Variants in PKHD1 observed in about 807,000 individuals in gnomAD.
PKHD1 encodes fibrocystin.
In PKHD1, 291 loss-of-function variants were observed where a neutral mutation model predicts 412.0. That is an observed-to-expected ratio of 0.71 (90% CI 0.64 to 0.78). PKHD1 has a LOEUF of 0.78. Among genes scored for constraint, PKHD1 ranks in the 30% least tolerant of loss-of-function variants. PKHD1 has a pLI of 0.00. For synonymous variants in PKHD1, 1,777 were observed against 1,821.5 expected (o/e 0.98, Z 0.62); for missense variants, 4,825 against 4,950.7 (o/e 0.97, Z 0.76).
chr6:51,809,510 C>A (rs1303879185), intron 52 of PKHD1, among the ~76,000 whole-genome samples: 1 of 152,004 alleles, frequency 6.6e-6, no homozygotes, highest in Non-Finnish European at 1.5e-5. Context: ...TGTATATTTG[C>A]TTTTCCTAAA....
chr6:51,964,416 G>A (rs1046181788), intron 35 of PKHD1, among the ~76,000 whole-genome samples: 1 of 152,000 alleles, frequency 6.6e-6, no homozygotes, highest in African/African-American at 2.4e-5. Flanking sequence ...TCCAAATCCT[G>A]GAAATAGGAA....
intron 60 of PKHD1, among the ~76,000 whole-genome samples, chr6:51,687,372 C>A (rs746208720): frequency 1.3e-5 from 2 of 152,112 alleles, no homozygotes; most frequent in Non-Finnish European, 2.9e-5. Context: ...AATAATAGAT[C>A]CTTTTCTGTA....
chr6:51,932,380 A>G (rs557259716), intron 37 of PKHD1, among the ~76,000 whole-genome samples: 10 of 152,306 alleles, frequency 6.6e-5, no homozygotes, highest in East Asian at 5.8e-4. Flanking sequence ...TTGAATTCCT[A>G]TTTTCAGGAA....
In PKHD1 at chr6:51,920,495, A is replaced by G. The variant is rs140139534; in HGVS notation, c.6122-7919T>C. Reference sequence around the variant, plus strand: ...TGAAGCCCACTTGATCTTGGTGGATAAGCTTTTTGATGTGCTGCTGGATTT... The same window carrying G: ...TGAAGCCCACTTGATCTTGGTGGATGAGCTTTTTGATGTGCTGCTGGATTT... On this transcript the variant is annotated intron_variant, in intron 37 of 66. Coordinates refer to ENST00000371117, the MANE Select transcript of PKHD1 (RefSeq NM_138694.4). Among the ~76,000 whole-genome samples the G allele has an allele frequency of 7.1e-3, 1,081 of 152,282 alleles. 7 individuals carry two copies. Among genetic ancestry groups the G allele is most frequent in the Non-Finnish European group, 0.012 (792 of 68,018 alleles).
intron 60 of PKHD1, among the ~76,000 whole-genome samples, chr6:51,713,295 C>A (rs538197242): frequency 1.3e-5 from 2 of 152,250 alleles, no homozygotes; most frequent in South Asian, 4.1e-4. Flanking sequence ...ATGAAAAATT[C>A]CAGTGCAATC....
intron 29 of PKHD1, among the ~76,000 whole-genome samples, chr6:52,030,278 A>G (rs1802844588): frequency 6.6e-6 from 1 of 152,196 alleles, no homozygotes; most frequent in African/African-American, 2.4e-5. Flanking sequence ...TGGGTGATTT[A>G]CTTACGGCTC....
At chr6:51,767,101 C>A (rs1789179989) in intron 55 of PKHD1, among the ~76,000 whole-genome samples, 1 of 151,976 alleles carries the variant, frequency 6.6e-6, no homozygotes, top group South Asian at 2.1e-4. Context: ...CTGTCTTCAA[C>A]TAAATTCAAA....
At chr6:51,765,420 C>A (rs1229084465) in intron 55 of PKHD1, among the ~76,000 whole-genome samples, 1 of 152,142 alleles carries the variant, frequency 6.6e-6, no homozygotes. Context: ...TGAACAAGGT[C>A]CTGTATGACT....
intron 60 of PKHD1, among the ~76,000 whole-genome samples, chr6:51,706,538 A>T (rs1780040740): frequency 6.6e-6 from 1 of 151,236 alleles, no homozygotes; most frequent in South Asian, 2.1e-4. Flanking sequence ...GAGGGAAAGG[A>T]GGAGCAGCAG....
chr6:52,010,362 G>T lies in PKHD1; in HGVS notation c.5698C>A (p.Pro1900Thr). The change falls in exon 35 of 67, where the codon CCA (proline) becomes ACA (threonine). Residue 1900 changes from proline to threonine, a missense_variant. By Grantham distance (38) the Pro-to-Thr change is conservative. Transcript: ENST00000371117. ...AEMECETPNQ[P>T]ITVKITEIRK... ...ATCTCAGTAATCTTGACGGTAATTG[G>T]CTGATTGGGCGTCTCACACTCCATC... The T allele has an allele frequency of 6.2e-7, 1 of 1,613,426 alleles. No individual in the cohort carries two copies. Among genetic ancestry groups the T allele is most frequent in the Non-Finnish European group, 8.5e-7 (1 of 1,179,464 alleles).
At chr6:51,713,159 A>C (rs182923544) in intron 60 of PKHD1, among the ~76,000 whole-genome samples, 1 of 152,342 alleles carries the variant, frequency 6.6e-6, no homozygotes, top group Non-Finnish European at 1.5e-5. Flanking sequence ...TGGGCTCAGC[A>C]GGTGCAAGAG....
chr6:51,617,518 G>C lies in PKHD1; in HGVS notation c.*1563C>G, dbSNP rs904511257. On this transcript the variant is annotated 3_prime_UTR_variant, in exon 67 of 67. Transcript: ENST00000371117. Reference sequence around the variant, plus strand: ...ACCAACTTCTTGCAAATCATTCCCTGAACACAGATAGCCTGGATTGAAATC... The same window carrying C: ...ACCAACTTCTTGCAAATCATTCCCTCAACACAGATAGCCTGGATTGAAATC... The C allele has an allele frequency of 2.6e-5, 4 of 152,116 alleles. No individual in the cohort carries two copies. The highest frequency in any genetic ancestry group is 4.4e-5 in the Non-Finnish European group (3 of 68,040). 9.4% of individuals were successfully genotyped at this position (152,116 alleles called of 1,614,324 possible).
chr6:51,667,464 G>A (rs1300066758), intron 60 of PKHD1, among the ~76,000 whole-genome samples: 1 of 148,796 alleles, frequency 6.7e-6, no homozygotes, highest in Non-Finnish European at 1.5e-5. Context: ...CAGATGAGTA[G>A]GTTGTGAAAA....
At chr6:51,668,563 C>T (rs1321114551) in intron 60 of PKHD1, among the ~76,000 whole-genome samples, 1 of 152,032 alleles carries the variant, frequency 6.6e-6, no homozygotes, top group Non-Finnish European at 1.5e-5. Context: ...ATTGCCCTGG[C>T]CAGAACTTCC....
chr6:51,855,567 T>C (rs188805056), intron 49 of PKHD1, among the ~76,000 whole-genome samples: 274 of 152,320 alleles, frequency 1.8e-3, no homozygotes, highest in African/African-American at 6.4e-3. Flanking sequence ...GACCAATAAG[T>C]TTTAAAGAAA....
intron 60 of PKHD1, among the ~76,000 whole-genome samples, chr6:51,670,012 T>G: frequency 6.6e-6 from 1 of 151,494 alleles, no homozygotes; most frequent in Non-Finnish European, 1.5e-5. Context: ...GCTGAAAAAA[T>G]TGTATATTCT....
chr6:51,717,207 T>G (rs1213864072), intron 60 of PKHD1, among the ~76,000 whole-genome samples: 1 of 152,044 alleles, frequency 6.6e-6, no homozygotes, highest in African/African-American at 2.4e-5. Flanking sequence ...AGGTCAAGAG[T>G]TCGAGAACAG....
intron 64 of PKHD1, among the ~76,000 whole-genome samples, chr6:51,638,121 T>C (rs922458658): frequency 6.6e-6 from 1 of 152,202 alleles, no homozygotes; most frequent in African/African-American, 2.4e-5. Context: ...AATTTTTATA[T>C]AGTTAAGGAT....
In PKHD1 at chr6:51,912,528, G is replaced by T. The variant is rs1004474519; in HGVS notation, c.6170C>A (p.Ala2057Asp). Residue 2057 changes from alanine to aspartate, a missense_variant, in exon 38 of 67, where the codon GCC (alanine) becomes GAC (aspartate). Ala to Asp is a moderately radical substitution (Grantham distance 126, BLOSUM62 -2). Transcript: ENST00000371117. ...TTCTAAAGCCAGCACTGTGTCTAGG[G>T]CATGGGCAGTTGCTCTAAGACAGGT... Reference protein sequence around the residue: ...IVTCLRATAHALDTVLALEDA... With the variant: ...IVTCLRATAHDLDTVLALEDA... 5 of 1,613,122 alleles carry T rather than the reference G, an allele frequency of 3.1e-6. No individual in the cohort carries two copies. The African/African-American group carries it at 6.7e-5, about 22-fold the overall frequency.
Sources: gnomAD v4.1 joint callset for allele counts (sites outside exome capture counted in the v4.1 genomes callset) on GRCh38, gnomAD v4.1.1 for gene constraint, MANE v1.5 for transcripts, NCBI Gene and HGNC (gene_info 2026-07-23, HGNC 2026-07-21) for gene names.